EPHA5: variants seen among roughly 807,000 people sequenced by gnomAD.
EPHA5 encodes EPH receptor A5.
In EPHA5, 60 loss-of-function variants were observed where a neutral mutation model predicts 105.0. The ratio of observed to expected loss-of-function variants is 0.57; its 90% CI spans 0.46 to 0.71. EPHA5 has a LOEUF of 0.71. Among genes scored for constraint, EPHA5 ranks in the 30% least tolerant of loss-of-function variants. The pLI, the probability that EPHA5 is intolerant of heterozygous loss-of-function variation, is 0.00. For synonymous variants in EPHA5, 513 were observed against 449.1 expected, an observed-to-expected ratio of 1.14 and a Z score of -1.80; for missense variants, 1,218 against 1,274.7, an observed-to-expected ratio of 0.96 and a Z score of 0.68.
chr4:65,519,386 T>TA (rs1185639858), intron 3 of EPHA5, among the ~76,000 whole-genome samples: 1 of 151,904 alleles, frequency 6.6e-6, no homozygotes, highest in East Asian at 1.9e-4. Context: ...CTCAAAATAA[T>TA]AAGAGCTATC....
At chr4:65,499,137 A>T (rs1424235878) in intron 3 of EPHA5, among the ~76,000 whole-genome samples, 1 of 151,684 alleles carries the variant, frequency 6.6e-6, no homozygotes, top group African/African-American at 2.4e-5. Context: ...ATTTGTCTTG[A>T]GAAAATAAAA....
chr4:65,656,409 G>A (rs1377164746), intron 1 of EPHA5, among the ~76,000 whole-genome samples: 2 of 150,974 alleles, frequency 1.3e-5, no homozygotes, highest in Non-Finnish European at 3.0e-5. Context: ...AATTGCTTTA[G>A]CATTGATGAT....
chr4:65,627,835 A>T (rs1273186283), intron 2 of EPHA5, among the ~76,000 whole-genome samples: 1 of 152,192 alleles, frequency 6.6e-6, no homozygotes, highest in Non-Finnish European at 1.5e-5. Flanking sequence ...AAATAATTCT[A>T]GTGTTAATAT....
chr4:65,456,286 G>A (rs766720049), intron 5 of EPHA5, among the ~76,000 whole-genome samples: 5 of 151,504 alleles, frequency 3.3e-5, no homozygotes, highest in Admixed American at 1.3e-4. Context: ...AATTACTGCA[G>A]TTTTATTTCT....
At chr4:65,561,543 A>G (rs941252682) in intron 3 of EPHA5, among the ~76,000 whole-genome samples, 4 of 152,116 alleles carry the variant, frequency 2.6e-5, no homozygotes, top group Admixed American at 2.0e-4. Context: ...ACAGTGGTCC[A>G]TTGATCACAT....
At chr4:65,636,377 G>T (rs981583301) in intron 2 of EPHA5, among the ~76,000 whole-genome samples, 1 of 152,054 alleles carries the variant, frequency 6.6e-6, no homozygotes, top group Non-Finnish European at 1.5e-5. Context: ...GAACCTGGTC[G>T]TTACTCTGAA....
intron 8 of EPHA5, 49 bp downstream of exon 8, chr4:65,404,325 G>T (rs918282636): frequency 6.6e-7 from 1 of 1,503,990 alleles, no homozygotes; most frequent in Non-Finnish European, 9.2e-7. Context: ...AGATCAAGGT[G>T]AGGAAGAGAT....
At chr4:65,503,908 TAC>T (rs34693427) in intron 3 of EPHA5, among the ~76,000 whole-genome samples, 25,275 of 145,270 alleles carry the variant, frequency 0.17, 2,236 homozygotes, top group African/African-American at 0.21. Flanking sequence ...ATGTGTGTGA[TAC>T]ACACACACAC....
intron 8 of EPHA5, among the ~76,000 whole-genome samples, chr4:65,375,223 G>T (rs1718877040): frequency 6.6e-6 from 1 of 151,622 alleles, no homozygotes; most frequent in South Asian, 2.1e-4. Flanking sequence ...TTTCCAGGGG[G>T]TCTTTCCATG....
At chr4:65,406,618 C>A (rs149373713) in intron 7 of EPHA5, among the ~76,000 whole-genome samples, 221 of 152,172 alleles carry the variant, frequency 1.5e-3, no homozygotes, top group Non-Finnish European at 2.7e-3. Context: ...CCCCTTCTTT[C>A]TCCCTCTTTC....
At chr4:65,436,207 G>T (rs2149074999) in intron 5 of EPHA5, among the ~76,000 whole-genome samples, 1 of 152,056 alleles carries the variant, frequency 6.6e-6, no homozygotes, top group Non-Finnish European at 1.5e-5. Context: ...TGATAAAATA[G>T]AACTTGGGGA....
intron 2 of EPHA5, among the ~76,000 whole-genome samples, chr4:65,639,387 C>A (rs1322556295): frequency 1.3e-5 from 2 of 152,176 alleles, no homozygotes; most frequent in African/African-American, 4.8e-5. Context: ...CAGTCTTTCT[C>A]TTCTTGCATT....
At chr4:65,587,164 C>T (rs1742202636) in intron 3 of EPHA5, among the ~76,000 whole-genome samples, 1 of 152,048 alleles carries the variant, frequency 6.6e-6, no homozygotes, top group Non-Finnish European at 1.5e-5. Context: ...TGTGTAATTT[C>T]GGAATTGGTG....
intron 1 of EPHA5, among the ~76,000 whole-genome samples, chr4:65,662,860 GCA>G (rs1044498372): frequency 7.9e-5 from 12 of 151,860 alleles, no homozygotes; most frequent in African/African-American, 2.9e-4. Flanking sequence ...CACACACTCA[GCA>G]CACACCCATG....
At chr4:65,524,682 C>A (rs1735065803) in intron 3 of EPHA5, among the ~76,000 whole-genome samples, 1 of 151,788 alleles carries the variant, frequency 6.6e-6, no homozygotes, top group Non-Finnish European at 1.5e-5. Flanking sequence ...ACATAGCACA[C>A]TTTATGATTT....
At chr4:65,333,110 T>C (rs1233291119) in intron 15 of EPHA5, among the ~76,000 whole-genome samples, 1 of 151,784 alleles carries the variant, frequency 6.6e-6, no homozygotes, top group Non-Finnish European at 1.5e-5. Context: ...TGATGACTTT[T>C]AGAAATGTAT....
At chr4:65,464,986 T>C (rs1728473562) in intron 5 of EPHA5, among the ~76,000 whole-genome samples, 1 of 152,138 alleles carries the variant, frequency 6.6e-6, no homozygotes, top group African/African-American at 2.4e-5. Context: ...TATAGCATAG[T>C]AGAAGAGACA....
chr4:65,531,758 G>C (rs948714976), intron 3 of EPHA5, among the ~76,000 whole-genome samples: 6 of 151,402 alleles, frequency 4.0e-5, no homozygotes, highest in Non-Finnish European at 8.8e-5. Flanking sequence ...TTTGCAGAAT[G>C]ACAATGATCC....
intron 3 of EPHA5, among the ~76,000 whole-genome samples, chr4:65,521,017 A>G (rs535809431): frequency 6.6e-6 from 1 of 152,290 alleles, no homozygotes; most frequent in South Asian, 2.1e-4. Context: ...CAGCCATCTC[A>G]TTACAGAGTA....
Sources: gnomAD v4.1 joint callset for allele counts (sites outside exome capture counted in the v4.1 genomes callset) on GRCh38, gnomAD v4.1.1 for gene constraint, MANE v1.5 for transcripts, NCBI Gene and HGNC (gene_info 2026-07-23, HGNC 2026-07-21) for gene names.